The following IGF1 variants were observed in gnomAD, a reference collection of about 807,000 sequenced individuals.
The protein encoded by IGF1 is insulin-like growth factor 1.
Under a neutral mutation model 13.8 loss-of-function variants are expected in IGF1, and 4 were observed. That is an observed-to-expected ratio of 0.29 (90% CI 0.14 to 0.66). The LOEUF (loss-of-function observed/expected upper bound fraction) is 0.66, where lower values mean the gene tolerates loss of function less well. Among genes scored for constraint, IGF1 ranks in the 30% least tolerant of loss-of-function variants. The pLI, the probability that IGF1 is intolerant of heterozygous loss-of-function variation, is 0.78. For synonymous variants in IGF1, 76 were observed against 72.6 expected, an observed-to-expected ratio of 1.05 and a Z score of -0.23; for missense variants, 124 against 188.5, an observed-to-expected ratio of 0.66 and a Z score of 2.00.
chr12:102,403,725 G>T (rs921097745), intron 3 of IGF1, among the ~76,000 whole-genome samples: 5 of 140,842 alleles, frequency 3.6e-5, no homozygotes, highest in African/African-American at 1.3e-4. Context: ...CCTGGCCTTG[G>T]TCTCCCAAAG....
chr12:102,417,591 C>G, intron 3 of IGF1: 4 of 1,201,058 alleles, frequency 3.3e-6, no homozygotes, highest in African/African-American at 1.6e-5. Context: ...TTCATTTTTG[C>G]CACTGTCTTT....
Position 102,396,747 on chromosome 12 carries a change from C to CAT in IGF1, c.*5758_*5759dup, listed in dbSNP as rs1450389711. The CAT allele has an allele frequency of 7.6e-6, 3 of 393,646 alleles. No individual in the cohort carries two copies. The highest frequency in any genetic ancestry group is 1.3e-5 in the Non-Finnish European group (3 of 223,540). 24.4% of individuals were successfully genotyped at this position (393,646 alleles called of 1,614,324 possible). A position where few individuals can be genotyped will look rare whatever the true frequency, so the allele number is the denominator to read the frequency against. Reference sequence around the variant, plus strand: ...GAGAAACTCTGTCTCCATCTTAACTCATATTTCAGTTGAGCAGTAACATTT... The same window carrying CAT: ...GAGAAACTCTGTCTCCATCTTAACTCATATATTTCAGTTGAGCAGTAACATTT... On this transcript the variant is annotated 3_prime_UTR_variant, in exon 4 of 4. Transcript: ENST00000337514.
chr12:102,471,902 T>A (rs1880709189), intron 2 of IGF1, among the ~76,000 whole-genome samples: 1 of 152,168 alleles, frequency 6.6e-6, no homozygotes, highest in African/African-American at 2.4e-5. Context: ...GTTAAAATGG[T>A]TAATCACCAT....
chr12:102,451,431 G>A (rs1334605995), intron 2 of IGF1, among the ~76,000 whole-genome samples: 3 of 152,186 alleles, frequency 2.0e-5, no homozygotes, highest in African/African-American at 7.2e-5. Flanking sequence ...TCAAGATCAA[G>A]GTGCTAAGAT....
chr12:102,419,743 A>G (rs1565970576), intron 2 of IGF1, 53 bp from the exon 3 acceptor site: 1 of 1,572,022 alleles, frequency 6.4e-7, no homozygotes, highest in Non-Finnish European at 8.7e-7. Context: ...TGCTTTCTTC[A>G]GTCTTCCACC....
At chr12:102,466,435 G>A (rs1880323761) in intron 2 of IGF1, among the ~76,000 whole-genome samples, 1 of 152,142 alleles carries the variant, frequency 6.6e-6, no homozygotes, top group South Asian at 2.1e-4. Flanking sequence ...GGGACTGCTG[G>A]CACCTAGTGG....
chr12:102,478,759 T>A (rs1881231105), intron 1 of IGF1: 8 of 776,738 alleles, frequency 1.0e-5, no homozygotes, highest in Non-Finnish European at 1.5e-5. Flanking sequence ...CTATTTCCAT[T>A]GTATGCCTAT....
chr12:102,398,370 G>A lies in IGF1; in HGVS notation c.*4137C>T, dbSNP rs1262100802. 3 of 152,338 alleles carry A rather than the reference G, an allele frequency of 2.0e-5. No individual in the cohort carries two copies. The highest frequency in any genetic ancestry group is 4.4e-5 in the Non-Finnish European group (3 of 68,016). The allele number at this position is 152,338 out of a possible 1,614,324, so 9.4% of individuals were successfully genotyped here. ...AGCTATTTTTTGCAGGTAAATCTAT[G>A]TATTTTTTCTCTTTGTTCTTATTTT... On this transcript the variant is annotated 3_prime_UTR_variant, in exon 4 of 4. Coordinates refer to ENST00000337514, the MANE Select transcript of IGF1 (RefSeq NM_000618.5).
chr12:102,416,269 C>T (rs1464471843), intron 3 of IGF1, among the ~76,000 whole-genome samples: 1 of 152,204 alleles, frequency 6.6e-6, no homozygotes, highest in Non-Finnish European at 1.5e-5. Context: ...CCTTTCTCAG[C>T]TCTTCTAATT....
chr12:102,421,980 G>A (rs5742671), intron 2 of IGF1, among the ~76,000 whole-genome samples: 20,100 of 151,988 alleles, frequency 0.13, 1,708 homozygotes, highest in Non-Finnish European at 0.18. Context: ...CTCACCACAT[G>A]TCGATTTCCT....
rs1195463681 is a variant in IGF1, at chr12:102,417,729, A to G, written c.402+1780T>C. The G allele has an allele frequency of 7.0e-6, 11 of 1,562,846 alleles. No homozygotes were observed. In the South Asian group the frequency reaches 7.4e-5, roughly 10 times the overall value. ...AGCTCCAGCAGGCCTACTTTTCTTC[A>G]TTTCCTCTATTGTATTTTCTGCTTT... On this transcript the variant is annotated intron_variant, in intron 3 of 3. Transcript: ENST00000337514.
chr12:102,400,139 T>G lies in IGF1; in HGVS notation c.*2368A>C, dbSNP rs1310107258. On this transcript the variant is annotated 3_prime_UTR_variant, in exon 4 of 4. Coordinates refer to ENST00000337514, the MANE Select transcript of IGF1 (RefSeq NM_000618.5). ...TCAGAGATCCAGGGAGTCTTTTTTT[T>G]TTTTTTCCTGGCCTCTGATCCTTGA... is the stretch of plus-strand genomic sequence containing the variant. The G allele has an allele frequency of 6.6e-6, 1 of 151,550 alleles. No homozygotes were observed. Among genetic ancestry groups the G allele is most frequent in the Non-Finnish European group, 1.5e-5 (1 of 67,852 alleles). 9.4% of individuals were successfully genotyped at this position (151,550 alleles called of 1,614,324 possible).
At chr12:102,441,917 T>TCTTCCTCTTCCTCTTCC (rs1565984662) in intron 2 of IGF1, among the ~76,000 whole-genome samples, 2 of 114,328 alleles carry the variant, frequency 1.7e-5, no homozygotes, top group Admixed American at 1.0e-4. Flanking sequence ...CTTCTTCTCC[T>TCTTCCTCTTCCTCTTCC]TCTTCTTCTT....
At chr12:102,413,522 A>G (rs1235652742) in intron 3 of IGF1, among the ~76,000 whole-genome samples, 1 of 152,158 alleles carries the variant, frequency 6.6e-6, no homozygotes, top group Non-Finnish European at 1.5e-5. Flanking sequence ...CAGTGCACAC[A>G]TTAGAAGCTG....
chr12:102,418,165 G>C (rs543601377), intron 3 of IGF1, among the ~76,000 whole-genome samples: 1 of 152,164 alleles, frequency 6.6e-6, no homozygotes, highest in Non-Finnish European at 1.5e-5. Context: ...CAGAACTTTG[G>C]GACTCATCTC....
intron 2 of IGF1, among the ~76,000 whole-genome samples, chr12:102,429,984 T>C (rs1876596225): frequency 6.6e-6 from 1 of 152,218 alleles, no homozygotes. Context: ...TGAGACCTAA[T>C]GTGACACACA....
chr12:102,454,600 C>G (rs912305231), intron 2 of IGF1, among the ~76,000 whole-genome samples: 3 of 152,300 alleles, frequency 2.0e-5, no homozygotes, highest in Non-Finnish European at 4.4e-5. Context: ...CATGAAGCTC[C>G]CAAGAATATT....
intron 2 of IGF1, among the ~76,000 whole-genome samples, chr12:102,456,744 C>G (rs1879438145): frequency 1.3e-5 from 2 of 152,134 alleles, no homozygotes; most frequent in African/African-American, 4.8e-5. Flanking sequence ...TACAGCAATT[C>G]CTACATTTGC....
chr12:102,461,815 G>A (rs914673119), intron 2 of IGF1, among the ~76,000 whole-genome samples: 2 of 152,176 alleles, frequency 1.3e-5, no homozygotes, highest in Non-Finnish European at 2.9e-5. Context: ...AAATACCAGT[G>A]AATCAGCATA....
Sources: allele counts gnomAD v4.1 joint callset (sites outside exome capture counted in the v4.1 genomes callset), GRCh38; gene constraint gnomAD v4.1.1; transcripts MANE v1.5; gene names NCBI Gene and HGNC (gene_info 2026-07-23, HGNC 2026-07-21).